The following LAMP3 variants were observed in gnomAD, a reference collection of about 807,000 sequenced individuals.
LAMP3 encodes the protein lysosome associated membrane protein 3, also known as lysosome-associated membrane glycoprotein 3.
Under a neutral mutation model 34.8 loss-of-function variants are expected in LAMP3, and 26 were observed. The ratio of observed to expected loss-of-function variants is 0.75; its 90% CI spans 0.55 to 1.04. LAMP3 has a LOEUF of 1.04. Ranked by LOEUF, LAMP3 falls within the 50% of genes least tolerant of loss-of-function variation. The pLI is 0.00. For missense variants in LAMP3, 495 were observed against 524.0 expected, an observed-to-expected ratio of 0.94 and a Z score of 0.54; for synonymous variants, 180 against 201.9, an observed-to-expected ratio of 0.89 and a Z score of 0.92.
chr3:183,154,023 G>A lies in LAMP3; in HGVS notation c.418C>T (p.Pro140Ser). The change falls in exon 2 of 6, where the codon CCA becomes TCA. Residue 140 changes from proline (P) to serine (S), a missense_variant. Coordinates refer to ENST00000265598, the MANE Select transcript of LAMP3 (RefSeq NM_014398.4). ...APYSLPPTIT[P>S]PAHTTGTSSS... The stretch of plus-strand genomic sequence containing the variant: ...CTGGTTCCAGTTGTATGAGCTGGTG[G>A]GGTGATGGTGGGTGGCAGTGAATAA... 1 of 1,614,172 alleles carries A rather than the reference G, an allele frequency of 6.2e-7. No homozygotes were observed. Among genetic ancestry groups the A allele is most frequent in the Middle Eastern group, 1.7e-4 (1 of 6,060 alleles).
rs550335713 is a variant in LAMP3 at position 183,144,288 on chromosome 3, C to T, written c.889-3693G>A. On this transcript the variant is annotated intron_variant, in intron 3 of 5. Coordinates refer to ENST00000265598, the MANE Select transcript of LAMP3 (RefSeq NM_014398.4). ...AACATTGCTAAAGATATACTATATG[C>T]GAAGTCGGGGTGAGCACTAGAGAAG... Among the ~76,000 whole-genome samples, 4 of 152,188 alleles carry T rather than the reference C, an allele frequency of 2.6e-5. No homozygotes were observed. In the South Asian group the frequency reaches 6.2e-4, roughly 24 times the overall value.
intron 4 of LAMP3, among the ~76,000 whole-genome samples, 182 bp downstream of exon 4, chr3:183,140,356 G>A (rs1281203877): frequency 6.9e-6 from 1 of 143,920 alleles, no homozygotes; most frequent in African/African-American, 2.6e-5. Context: ...GCAGGGAGCC[G>A]AGCGAGATCG....
intron 5 of LAMP3, among the ~76,000 whole-genome samples, chr3:183,127,123 C>T (rs1484334922): frequency 6.6e-6 from 1 of 152,132 alleles, no homozygotes; most frequent in Non-Finnish European, 1.5e-5. Flanking sequence ...TTCCATCTCC[C>T]CTCTCTTCAA....
chr3:183,130,514 C>T (rs1297538608), intron 5 of LAMP3, among the ~76,000 whole-genome samples: 3 of 152,134 alleles, frequency 2.0e-5, no homozygotes, highest in Non-Finnish European at 4.4e-5. Context: ...AGTATTTTGG[C>T]ACAGTGGCCA....
intron 5 of LAMP3, chr3:183,131,928 T>C (rs1463452190): frequency 1.6e-5 from 16 of 985,274 alleles, no homozygotes; most frequent in Non-Finnish European, 1.9e-5. Flanking sequence ...ATCAGGAATG[T>C]ACTGCTTTTG....
intron 5 of LAMP3, 42 bp downstream of exon 5, chr3:183,135,675 C>A: frequency 6.3e-7 from 1 of 1,584,244 alleles, no homozygotes; most frequent in South Asian, 1.1e-5. Context: ...ACCCTGGGGT[C>A]TCTAAAGTGT....
intron 5 of LAMP3, among the ~76,000 whole-genome samples, chr3:183,134,787 A>G (rs972967744): frequency 5.3e-5 from 8 of 152,242 alleles, no homozygotes; most frequent in African/African-American, 1.7e-4. Flanking sequence ...TCAGATTCAT[A>G]TTGTAGACAT....
chr3:183,127,142 A>G (rs532356399), intron 5 of LAMP3, among the ~76,000 whole-genome samples: 12 of 149,260 alleles, frequency 8.0e-5, no homozygotes, highest in African/African-American at 1.5e-4. Context: ...AACTCCCCCA[A>G]TTTTTTTTTT....
chr3:183,151,194 C>T (rs901917482), intron 3 of LAMP3, among the ~76,000 whole-genome samples: 13 of 152,168 alleles, frequency 8.5e-5, no homozygotes, highest in Middle Eastern at 3.2e-3. Context: ...AGCCCCAACT[C>T]CCCTGAGATC....
chr3:183,158,382 G>A (rs997741261), intron 1 of LAMP3, among the ~76,000 whole-genome samples: 2 of 152,070 alleles, frequency 1.3e-5, no homozygotes, highest in African/African-American at 2.4e-5. Flanking sequence ...GAGGGCAGTG[G>A]GCAGAAGCAA....
intron 3 of LAMP3, among the ~76,000 whole-genome samples, chr3:183,148,291 A>G (rs1379569239): frequency 6.6e-6 from 1 of 152,236 alleles, no homozygotes; most frequent in Non-Finnish European, 1.5e-5. Context: ...GCCAAACCAC[A>G]GGCAACCAAA....
chr3:183,125,004 G>A (rs556191136), intron 5 of LAMP3, among the ~76,000 whole-genome samples: 1 of 152,146 alleles, frequency 6.6e-6, no homozygotes, highest in Non-Finnish European at 1.5e-5. Context: ...TTATTTATGA[G>A]AGCTTAAAAG....
chr3:183,159,649 C>T (rs1377298850), intron 1 of LAMP3, among the ~76,000 whole-genome samples: 3 of 152,226 alleles, frequency 2.0e-5, no homozygotes, highest in Admixed American at 6.5e-5. Flanking sequence ...GGCCACTATC[C>T]CTGTGACAGA....
In LAMP3 at chr3:183,154,193, AT is replaced by A. The variant is rs779021193; in HGVS notation, c.247del (p.Ile83PhefsTer47). On this transcript the variant is annotated frameshift_variant, in exon 2 of 6. Coordinates refer to ENST00000265598, the MANE Select transcript of LAMP3 (RefSeq NM_014398.4). LOFTEE classifies it high-confidence loss of function. ...ITFQTAATVKIPTTTPATTKN... is the reference protein window; with the variant it reads ...ITFQTAATVKXPTTTPATTKN... The stretch of plus-strand genomic sequence containing the variant: ...TGTAGTCGCTGGGGTAGTTGTTGGA[AT>A]TTTTACTGTGGCCGCTGTTTGAAAG... 2.2e-5 allele frequency: 36 copies of A among 1,613,908 alleles called. No homozygotes were observed. In the Admixed American group the frequency reaches 5.8e-4, roughly 26 times the overall value.
At chr3:183,151,824 G>A (rs1720644936) in intron 3 of LAMP3, among the ~76,000 whole-genome samples, 2 of 152,166 alleles carry the variant, frequency 1.3e-5, no homozygotes, top group Admixed American at 1.3e-4. Context: ...AGTGTCACAA[G>A]GAGAGAAAGC....
chr3:183,160,949 T>G (rs1392197709), intron 1 of LAMP3: 1 of 152,218 alleles, frequency 6.6e-6, no homozygotes, highest in Non-Finnish European at 1.5e-5. Context: ...TACCATGTGC[T>G]GATGAGCCCT....
chr3:183,129,412 A>ATACT (rs1193193708), intron 5 of LAMP3, among the ~76,000 whole-genome samples: 21 of 152,076 alleles, frequency 1.4e-4, no homozygotes, highest in African/African-American at 5.1e-4. Context: ...GGCACCAATT[A>ATACT]TACTTATGTT....
rs140609708 is a variant in LAMP3 at position 183,131,098 on chromosome 3, C to A, written c.1117+4619G>T. Among the ~76,000 whole-genome samples, 1,027 of 152,252 alleles carry A rather than the reference C, an allele frequency of 6.7e-3. 9 individuals carry two copies. Among genetic ancestry groups the A allele is most frequent in the African/African-American group, 0.024 (983 of 41,548 alleles). Reference sequence around the variant, plus strand: ...ACCAGAATGCTAATTCAAATTAATTCTAAAAATAATCAGTACTGGGGTCGG... The same window carrying A: ...ACCAGAATGCTAATTCAAATTAATTATAAAAATAATCAGTACTGGGGTCGG... On this transcript the variant is annotated intron_variant, in intron 5 of 5. Coordinates refer to ENST00000265598, the MANE Select transcript of LAMP3 (RefSeq NM_014398.4).
chr3:183,126,147 C>T (rs1289630140), intron 5 of LAMP3, among the ~76,000 whole-genome samples: 3 of 152,004 alleles, frequency 2.0e-5, no homozygotes, highest in Non-Finnish European at 4.4e-5. Context: ...CAGCACTGTC[C>T]ATTTTATGAG....
Sources: allele counts gnomAD v4.1 joint callset (sites outside exome capture counted in the v4.1 genomes callset), GRCh38; gene constraint gnomAD v4.1.1; transcripts MANE v1.5; gene names NCBI Gene and HGNC (gene_info 2026-07-23, HGNC 2026-07-21).